Variants in CROCC2 observed in about 807,000 individuals in gnomAD.
The protein encoded by CROCC2 is ciliary rootlet coiled-coil protein 2.
Under a neutral mutation model 177.6 loss-of-function variants are expected in CROCC2, and 163 were observed. The observed-to-expected ratio is 0.92, with a 90% confidence interval of 0.81 to 1.05. The LOEUF (loss-of-function observed/expected upper bound fraction) is 1.05. Ranked by LOEUF, CROCC2 falls within the 50% of genes least tolerant of loss-of-function variation. The pLI, the probability that CROCC2 is intolerant of heterozygous loss-of-function variation, is 0.00. For missense variants in CROCC2, 1,929 were observed against 1,797.8 expected, an observed-to-expected ratio of 1.07 and a Z score of -1.32; for synonymous variants, 904 against 787.3, an observed-to-expected ratio of 1.15 and a Z score of -2.48.
chr2:240,989,575 C>A lies in CROCC2; in HGVS notation c.4684-79C>A, dbSNP rs139890835. 372 of 1,388,814 alleles carry A rather than the reference C, an allele frequency of 2.7e-4. 2 individuals are homozygous for A. The East Asian group carries it at 8.3e-3, about 31-fold the overall frequency. The allele number at this position is 1,388,814 out of a possible 1,614,324, so 86.0% of individuals were successfully genotyped here. A position where few individuals can be genotyped will look rare whatever the true frequency, so the allele number is the denominator to read the frequency against. ...GGGGCCCACAAGGACAGGTGAAACACCCTGTGGCACTCCTGCCCTGGGATT... is the reference window on the plus strand; with the variant it reads ...GGGGCCCACAAGGACAGGTGAAACAACCTGTGGCACTCCTGCCCTGGGATT... On this transcript the variant is annotated intron_variant, in intron 29 of 31. Transcript: ENST00000690015.
chr2:240,984,471 T>A (rs1217442563), intron 28 of CROCC2, among the ~76,000 whole-genome samples: 6 of 151,874 alleles, frequency 4.0e-5, no homozygotes, highest in Non-Finnish European at 7.4e-5. Flanking sequence ...GAGCCTGCTA[T>A]GTACAACACC....
At position 240,917,043 on chromosome 2, in the gene CROCC2, G is replaced by A. The variant is rs1161785570; in HGVS notation, c.79-1683G>A. Among the ~76,000 whole-genome samples the A allele has an allele frequency of 6.6e-6, 1 of 152,160 alleles. No homozygotes were observed. The highest frequency in any genetic ancestry group is 1.9e-4 in the East Asian group (1 of 5,174). On this transcript the variant is annotated intron_variant, in intron 1 of 31. Transcript: ENST00000690015. The surrounding 1 kb of genome is among the most constrained non-coding windows in gnomAD (Gnocchi z 4.9). ...CACTGGGCTGCTGCTCCCAAGGGGG[G>A]CCCATTACTCCCTCCAGAAGAAGAG...
Position 240,916,457 on chromosome 2 carries a change from C to A in CROCC2, c.79-2269C>A, listed in dbSNP as rs1426218362. ...CGACCCCTGCGTCCCCCGCCCCCCC[C>A]ATGCGCTCCCCCCGTGCCCCCGCGC... On this transcript the variant is annotated intron_variant, in intron 1 of 31. Transcript: ENST00000690015. Among the ~76,000 whole-genome samples the A allele has an allele frequency of 3.4e-4, 25 of 74,006 alleles. 2 individuals carry two copies. The highest frequency in any genetic ancestry group is 1.4e-3 in the African/African-American group (25 of 18,342). 48.6% of individuals were successfully genotyped at this position (74,006 alleles called of 152,430 possible). A position where few individuals can be genotyped will look rare whatever the true frequency, so the allele number is the denominator to read the frequency against.
At chr2:240,976,241 T>G (rs866736851) in intron 27 of CROCC2, among the ~76,000 whole-genome samples, 22 of 95,816 alleles carry the variant, frequency 2.3e-4, no homozygotes, top group Middle Eastern at 7.4e-3. Flanking sequence ...CCCTGCTCAG[T>G]CTCTGGGGTA....
Position 240,935,463 on chromosome 2 carries a change from G to C in CROCC2, c.2044G>C (p.Glu682Gln), listed in dbSNP as rs1299209821. The change falls in exon 14 of 32, where the codon GAG (glutamate) becomes CAG (glutamine). Residue 682 changes from glutamate to glutamine, a missense_variant. Transcript: ENST00000690015. ...ACAGGCGGAGCAGCAGCTGGCGCTG[G>C]AGCGGGCAGAGCGCAGGGGCCTGCA... ...LAQAEQQLAL[E>Q]RAERRGLQQA... 1.5e-6 allele frequency: 2 copies of C among 1,368,444 alleles called. No homozygotes were observed. Among genetic ancestry groups the C allele is most frequent in the East Asian group, 5.8e-5 (2 of 34,420 alleles). The allele number at this position is 1,368,444 out of a possible 1,614,324, so 84.8% of individuals were successfully genotyped here. A position where few individuals can be genotyped will look rare whatever the true frequency, so the allele number is the denominator to read the frequency against.
chr2:240,930,981 A>C lies in CROCC2; in HGVS notation c.800A>C (p.His267Pro). The C allele has an allele frequency of 1.4e-6, 1 of 715,738 alleles. No individual in the cohort carries two copies. Among genetic ancestry groups the C allele is most frequent in the Non-Finnish European group, 2.6e-6 (1 of 384,760 alleles). 44.3% of individuals were successfully genotyped at this position (715,738 alleles called of 1,614,324 possible). A position where few individuals can be genotyped will look rare whatever the true frequency, so the allele number is the denominator to read the frequency against. The change falls in exon 7 of 32, where the codon CAC becomes CCC. Residue 267 changes from histidine to proline, a missense_variant. Around this residue, in one of 3 missense-constraint regions of CROCC2, gnomAD observed 1,397 missense variants for 1,239.9 expected, o/e 1.13. Coordinates refer to ENST00000690015, the MANE Select transcript of CROCC2 (RefSeq NM_001351305.2). The stretch of plus-strand genomic sequence containing the variant: ...ACGGCCAGGACAGCCCGCCGCCTGC[A>C]CACCGCCTGCCTGAACCTCGACTCC... ...ADTARTARRL[H>P]TACLNLDSNL...
intron 20 of CROCC2, among the ~76,000 whole-genome samples, chr2:240,962,922 C>G (rs191251402): frequency 3.9e-5 from 6 of 152,310 alleles, no homozygotes; most frequent in Non-Finnish European, 7.4e-5. Flanking sequence ...GCCTGGTGTC[C>G]GGAGCGGGAA....
chr2:240,972,690 T>C lies in CROCC2; in HGVS notation c.4401+4428T>C. On this transcript the variant is annotated intron_variant, in intron 27 of 31. Transcript: ENST00000690015. This position sits in a 1 kb window ranked among gnomAD's most constrained non-coding sequence, Gnocchi z 7.1. ...TTTTAGTGAAATGTGCTAAAATCTA[T>C]CATTATGGTGTCAACGTTTTCTTAC... Among the ~76,000 whole-genome samples the C allele has an allele frequency of 6.6e-6, 1 of 151,852 alleles. No individual in the cohort carries two copies. Among genetic ancestry groups the C allele is most frequent in the East Asian group, 1.9e-4 (1 of 5,162 alleles).
At chr2:240,963,462 G>A (rs931201060) in intron 20 of CROCC2, 94 bp from the exon 21 acceptor site, 1 of 1,302,716 alleles carries the variant, frequency 7.7e-7, no homozygotes. Flanking sequence ...GGGCACCTGT[G>A]CCTGCCACAC....
At chr2:240,986,136 C>A in intron 28 of CROCC2, 1 of 351,096 alleles carries the variant, frequency 2.8e-6, no homozygotes, top group Non-Finnish European at 5.8e-6. Context: ...TGCACCGCGA[C>A]TGGCTCACAA....
chr2:240,991,365 G>A, intron 31 of CROCC2, 87 bp downstream of exon 31: 1 of 1,204,522 alleles, frequency 8.3e-7, no homozygotes, highest in Non-Finnish European at 1.1e-6. Context: ...AGGTGCTGGA[G>A]GCCCTAGGCT....
At position 240,972,486 on chromosome 2, in the gene CROCC2, A is replaced by G. The variant is rs1034046615; in HGVS notation, c.4401+4224A>G. On this transcript the variant is annotated intron_variant, in intron 27 of 31. Transcript: ENST00000690015. This position sits in a 1 kb window ranked among gnomAD's most constrained non-coding sequence, Gnocchi z 7.1. The stretch of plus-strand genomic sequence containing the variant: ...CCCTCTTCCCTGAGGTCCTGGTAGT[A>G]CAGAGTTGCCTCCCCAACACCCCTG... Among the ~76,000 whole-genome samples, 1 of 152,010 alleles carries G rather than the reference A, an allele frequency of 6.6e-6. No homozygotes were observed. Among genetic ancestry groups the G allele is most frequent in the Non-Finnish European group, 1.5e-5 (1 of 67,998 alleles).
Position 240,932,407 on chromosome 2 carries a change from A to G in CROCC2, c.1037A>G (p.Gln346Arg), listed in dbSNP as rs1281123788. The stretch of plus-strand genomic sequence containing the variant: ...ATCGCTGCCCTCAGAACCGACCTGC[A>G]GAACCTGGTTGGTGGGCAGGACGGG... ...KTIAALRTDL[Q>R]NLVAQEDARC... is the part of the protein sequence containing the mutation. The change falls in exon 8 of 32, where the codon CAG becomes CGG. Residue 346 changes from glutamine to arginine, a missense_variant. This residue lies in a region of CROCC2 where 1,397 missense variants were observed against 1,239.9 expected (regional missense o/e 1.13). Transcript: ENST00000690015. The G allele has an allele frequency of 2.8e-6, 2 of 717,382 alleles. No homozygotes were observed. Among genetic ancestry groups the G allele is most frequent in the Non-Finnish European group, 5.2e-6 (2 of 385,078 alleles). The allele number at this position is 717,382 out of a possible 1,614,324, so 44.4% of individuals were successfully genotyped here.
At chr2:240,981,699 T>G (rs758289407) in intron 27 of CROCC2, 1 of 152,084 alleles carries the variant, frequency 6.6e-6, no homozygotes, top group Non-Finnish European at 1.5e-5. Flanking sequence ...CAGTCTTAGG[T>G]ACAAGCATTG....
chr2:240,990,648 T>C (rs1167576808), intron 30 of CROCC2, among the ~76,000 whole-genome samples: 1 of 152,220 alleles, frequency 6.6e-6, no homozygotes, highest in African/African-American at 2.4e-5. Flanking sequence ...AGTGGCGCGA[T>C]CTCGGCTCAC....
rs758516538 is a variant in CROCC2, at chr2:240,931,134, C to T, written c.947+6C>T. On this transcript the variant is annotated splice_donor_region_variant and intron_variant, in intron 7 of 31. Transcript: ENST00000690015. ...AAGGTGGCGCTCCAGGCCAGGTGGG[C>T]GCCCAGGGCCAGCAAGCTTGCACAG... 6.4e-5 allele frequency: 45 copies of T among 707,052 alleles called. No individual in the cohort carries two copies. The highest frequency in any genetic ancestry group is 3.4e-4 in the South Asian group (23 of 67,018). 43.8% of individuals were successfully genotyped at this position (707,052 alleles called of 1,614,324 possible).
At position 240,949,949 on chromosome 2, in the gene CROCC2, G is replaced by A. The variant is rs1200110759; in HGVS notation, c.2652+247G>A. Among the ~76,000 whole-genome samples the A allele has an allele frequency of 6.6e-6, 1 of 152,168 alleles. No individual in the cohort carries two copies. Among genetic ancestry groups the A allele is most frequent in the Non-Finnish European group, 1.5e-5 (1 of 68,026 alleles). ...CCTCCCTCATGGAAGAGGCTGGAAG[G>A]GCTGCTGGCTGGTCTGGTGCAGTCT... On this transcript the variant is annotated intron_variant, in intron 17 of 31. Coordinates refer to ENST00000690015, the MANE Select transcript of CROCC2 (RefSeq NM_001351305.2). This position sits in a 1 kb window ranked among gnomAD's most constrained non-coding sequence, Gnocchi z 4.5.
chr2:240,983,084 C>T (rs2059812571), intron 28 of CROCC2, 55 bp downstream of exon 28: 1 of 1,506,846 alleles, frequency 6.6e-7, no homozygotes, highest in African/African-American at 1.4e-5. Context: ...GTGAACAGGC[C>T]TACAGGGAAG....
At chr2:240,911,680 T>A (rs116763071) in intron 1 of CROCC2, among the ~76,000 whole-genome samples, 2,520 of 149,506 alleles carry the variant, frequency 0.017, 73 homozygotes, top group African/African-American at 0.059. Context: ...GCCCCCACCA[T>A]CCTACTCTCT....
Sources: allele counts gnomAD v4.1 joint callset (sites outside exome capture counted in the v4.1 genomes callset), GRCh38; gene constraint gnomAD v4.1.1; regional missense constraint gnomAD v4.1.1; non-coding constraint Gnocchi (gnomAD v3.1); transcripts MANE v1.5; gene names NCBI Gene and HGNC (gene_info 2026-07-23, HGNC 2026-07-21).